Variants in TBC1D2B observed in about 807,000 individuals in gnomAD.
TBC1D2B encodes the protein TBC1 domain family member 2B.
A neutral mutation model predicts 100.8 loss-of-function variants in TBC1D2B; 64 were observed. The ratio of observed to expected loss-of-function variants is 0.64; its 90% confidence interval spans 0.52 to 0.78. The LOEUF (loss-of-function observed/expected upper bound fraction) is 0.78, where lower values mean the gene tolerates loss of function less well. Ranked by LOEUF, TBC1D2B falls within the 30% of genes least tolerant of loss-of-function variation. The pLI, the probability that TBC1D2B is intolerant of heterozygous loss-of-function variation, is 0.00. For missense variants in TBC1D2B, 1,052 were observed against 1,218.4 expected, an observed-to-expected ratio of 0.86 and a Z score of 2.03; for synonymous variants, 480 against 479.7, an observed-to-expected ratio of 1.00 and a Z score of -0.01.
intron 1 of TBC1D2B, among the ~76,000 whole-genome samples, chr15:78,064,855 T>C (rs932932770): frequency 2.6e-5 from 4 of 152,200 alleles, no homozygotes; most frequent in Non-Finnish European, 5.9e-5. Flanking sequence ...TCCTGGCTCC[T>C]TGGAAAATGG....
chr15:78,009,121 G>C lies in TBC1D2B; in HGVS notation c.2271-7C>G. On this transcript the variant is annotated splice_polypyrimidine_tract_variant and splice_region_variant and intron_variant, in intron 9 of 12. Coordinates refer to ENST00000300584, the MANE Select transcript of TBC1D2B (RefSeq NM_144572.2). ...GAGGGCCACTGCCACCAACCTACAA[G>C]CAAAGGGAGGACAAGATGAGAGCCC... 1.9e-6 allele frequency: 3 copies of C among 1,577,276 alleles called. 1 individual carries two copies. In the South Asian group the frequency reaches 3.5e-5, roughly 18 times the overall value.
intron 2 of TBC1D2B, among the ~76,000 whole-genome samples, chr15:78,046,643 T>C (rs536667516): frequency 1.6e-3 from 246 of 152,260 alleles, no homozygotes; most frequent in Non-Finnish European, 2.6e-3. Context: ...TTTGTATTTT[T>C]TTTTTCTTTT....
chr15:78,077,639 C>G lies in TBC1D2B; in HGVS notation c.14G>C (p.Gly5Ala), dbSNP rs2073854775. 4.0e-6 allele frequency: 4 copies of G among 992,570 alleles called. No homozygotes were observed. The highest frequency in any genetic ancestry group is 1.2e-6 in the Non-Finnish European group (1 of 835,336). The allele number at this position is 992,570 out of a possible 1,614,324, so 61.5% of individuals were successfully genotyped here. A position where few individuals can be genotyped will look rare whatever the true frequency, so the allele number is the denominator to read the frequency against. The change falls in exon 1 of 13, where the codon GGA (glycine) becomes GCA (alanine). Residue 5 changes from glycine (G) to alanine (A), a missense_variant. Coordinates refer to ENST00000300584, the MANE Select transcript of TBC1D2B (RefSeq NM_144572.2). MPGAGARAEEGGGGG... is the reference protein window; with the variant it reads MPGAAARAEEGGGGG... ...GCCGCCGCCCTCCTCCGCCCGGGCT[C>G]CGGCCCCCGGCATCGCTACCGCGCG...
intron 3 of TBC1D2B, 136 bp downstream of exon 3, chr15:78,044,764 T>TA: frequency 1.3e-6 from 1 of 778,072 alleles, no homozygotes; most frequent in Non-Finnish European, 2.0e-6. Flanking sequence ...CACAATGATC[T>TA]ATGGGAAAGT....
chr15:78,074,779 A>G (rs2073802098), intron 1 of TBC1D2B, among the ~76,000 whole-genome samples: 1 of 152,246 alleles, frequency 6.6e-6, no homozygotes, highest in Admixed American at 6.5e-5. Flanking sequence ...GAACACAATC[A>G]GTGTGTAACT....
At position 78,045,037 on chromosome 15, in the gene TBC1D2B, T is replaced by G; in HGVS notation, c.546A>C (p.Ala182=). Residue 182 remains alanine, a synonymous_variant, in exon 3 of 13, where the codon GCA becomes GCC. Coordinates refer to ENST00000300584, the MANE Select transcript of TBC1D2B (RefSeq NM_144572.2). ...CAGCTAGGACATTTCTGGCTTTTTC[T>G]GCAGAAGCATTTGGGTGTGGGTAAA... is the stretch of plus-strand genomic sequence containing the variant. ...DLIYPHPNAS[A]EKARNVLAVE... 6.2e-7 allele frequency: 1 copy of G among 1,612,280 alleles called. No individual in the cohort carries two copies. Among genetic ancestry groups the G allele is most frequent in the Non-Finnish European group, 8.5e-7 (1 of 1,179,016 alleles).
intron 1 of TBC1D2B, chr15:78,066,188 C>T (rs2073653116): frequency 2.4e-6 from 1 of 414,400 alleles, no homozygotes. Flanking sequence ...GGACAGAAAC[C>T]TTGGGGCCAA....
At chr15:78,071,529 G>A (rs2073742901) in intron 1 of TBC1D2B, among the ~76,000 whole-genome samples, 1 of 152,138 alleles carries the variant, frequency 6.6e-6, no homozygotes, top group Non-Finnish European at 1.5e-5. Flanking sequence ...AAATATATGA[G>A]ACCCGAAAAT....
At chr15:78,021,679 C>A (rs573815803) in intron 6 of TBC1D2B, among the ~76,000 whole-genome samples, 15 of 152,218 alleles carry the variant, frequency 9.9e-5, no homozygotes, top group Non-Finnish European at 1.6e-4. Flanking sequence ...CATCGTCTGT[C>A]GCCACATCAC....
chr15:78,033,106 C>G (rs961321561), intron 3 of TBC1D2B, among the ~76,000 whole-genome samples: 14 of 152,054 alleles, frequency 9.2e-5, no homozygotes, highest in African/African-American at 2.7e-4. Flanking sequence ...TAAGTATAAC[C>G]CTAATTTGCA....
At chr15:78,022,050 A>G (rs2072530264) in intron 6 of TBC1D2B, among the ~76,000 whole-genome samples, 1 of 152,222 alleles carries the variant, frequency 6.6e-6, no homozygotes. Flanking sequence ...AGAAATAGAC[A>G]CACTTGCAAA....
chr15:78,008,927 GT>G, intron 10 of TBC1D2B, 69 bp downstream of exon 10: 1 of 1,129,054 alleles, frequency 8.9e-7, no homozygotes, highest in South Asian at 1.3e-5. Flanking sequence ...CTGACCGCAG[GT>G]TTAATTCAGG....
intron 3 of TBC1D2B, among the ~76,000 whole-genome samples, chr15:78,041,455 A>G (rs572466858): frequency 4.1e-4 from 62 of 152,360 alleles, no homozygotes; most frequent in African/African-American, 1.3e-3. Flanking sequence ...TTAAAATGTC[A>G]GTTCATCAGG....
At chr15:78,021,863 G>A (rs1354712797) in intron 6 of TBC1D2B, among the ~76,000 whole-genome samples, 3 of 152,154 alleles carry the variant, frequency 2.0e-5, no homozygotes, top group East Asian at 1.9e-4. Flanking sequence ...GCTGTATCCC[G>A]ATCAGCTCCG....
At chr15:78,016,007 G>A (rs1210518616) in intron 8 of TBC1D2B, among the ~76,000 whole-genome samples, 1 of 152,210 alleles carries the variant, frequency 6.6e-6, no homozygotes, top group African/African-American at 2.4e-5. Flanking sequence ...CTGAGTCGTG[G>A]AAACAAGAGG....
At chr15:78,072,102 C>G (rs56317829) in intron 1 of TBC1D2B, among the ~76,000 whole-genome samples, 32,237 of 152,170 alleles carry the variant, frequency 0.21, 3,679 homozygotes, top group East Asian at 0.36. Flanking sequence ...TATCATCACA[C>G]TGGGAGCTGG....
At chr15:78,044,170 G>A (rs569134980) in intron 3 of TBC1D2B, among the ~76,000 whole-genome samples, 3 of 152,132 alleles carry the variant, frequency 2.0e-5, no homozygotes, top group South Asian at 2.1e-4. Flanking sequence ...TTTTTGGATC[G>A]ATGAAAACAT....
chr15:78,055,875 A>AGTGCTATGT (rs1414265282), intron 1 of TBC1D2B, among the ~76,000 whole-genome samples: 8 of 152,230 alleles, frequency 5.3e-5, no homozygotes, highest in Admixed American at 3.9e-4. Flanking sequence ...TGTTGCATTA[A>AGTGCTATGT]GTGCTATGAC....
rs1386446241 is a variant in TBC1D2B, at chr15:77,995,297, G to A, written c.*2863C>T. 1 of 152,236 alleles carries A rather than the reference G, an allele frequency of 6.6e-6. No homozygotes were observed. 9.4% of individuals were successfully genotyped at this position (152,236 alleles called of 1,614,324 possible). A position where few individuals can be genotyped will look rare whatever the true frequency, so the allele number is the denominator to read the frequency against. ...CATGTAGCTAGAAAACCCAACCGAG[G>A]ATCTGTCTAGAATACTTCCGATATC... On this transcript the variant is annotated 3_prime_UTR_variant, in exon 13 of 13. Coordinates refer to ENST00000300584, the MANE Select transcript of TBC1D2B (RefSeq NM_144572.2).
Sources: gnomAD v4.1 joint callset for allele counts (sites outside exome capture counted in the v4.1 genomes callset) on GRCh38, gnomAD v4.1.1 for gene constraint, MANE v1.5 for transcripts, NCBI Gene and HGNC (gene_info 2026-07-23, HGNC 2026-07-21) for gene names.